The following ROBO1 variants were observed in gnomAD, a reference collection of about 807,000 sequenced individuals.
ROBO1 encodes the protein roundabout guidance receptor 1.
ROBO1 carries 149 observed loss-of-function variants against 195.9 expected under a neutral mutation model. The ratio of observed to expected loss-of-function variants is 0.76; its 90% CI spans 0.67 to 0.87. The LOEUF is 0.87. Ranked by LOEUF, ROBO1 falls within the 40% of genes least tolerant of loss-of-function variation. The pLI is 0.00. For missense variants in ROBO1, 1,933 were observed against 2,068.3 expected (o/e 0.93, Z 1.27); for synonymous variants, 816 against 733.2 (o/e 1.11, Z -1.82).
intron 3 of ROBO1, among the ~76,000 whole-genome samples, chr3:79,099,933 A>T (rs2079645126): frequency 6.6e-6 from 1 of 151,812 alleles, no homozygotes; most frequent in Admixed American, 6.6e-5. Context: ...TTGGAAGGAG[A>T]CCAGTAAATT....
intron 2 of ROBO1, among the ~76,000 whole-genome samples, chr3:79,268,192 A>C (rs1021737700): frequency 6.6e-6 from 1 of 151,616 alleles, no homozygotes; most frequent in Admixed American, 6.6e-5. Flanking sequence ...ATTGGAAGTA[A>C]GCCTTAAAAA....
At chr3:79,510,566 T>TG (rs1940650324) in intron 2 of ROBO1, among the ~76,000 whole-genome samples, 1 of 146,246 alleles carries the variant, frequency 6.8e-6, no homozygotes, top group East Asian at 2.0e-4. Context: ...TTTTTTTTTT[T>TG]GAAAGGGTCA....
chr3:79,308,695 A>G (rs1238576248), intron 2 of ROBO1, among the ~76,000 whole-genome samples: 4 of 152,210 alleles, frequency 2.6e-5, no homozygotes, highest in East Asian at 1.9e-4. Context: ...TGCAGTGGAA[A>G]AGTAAGCATG....
At chr3:79,462,775 A>G (rs1341064662) in intron 2 of ROBO1, among the ~76,000 whole-genome samples, 2 of 152,188 alleles carry the variant, frequency 1.3e-5, no homozygotes, top group African/African-American at 2.4e-5. Flanking sequence ...GTCTGATTTT[A>G]TCATGTAGTT....
At chr3:79,609,773 C>T (rs1298489363) in intron 1 of ROBO1, among the ~76,000 whole-genome samples, 2 of 151,492 alleles carry the variant, frequency 1.3e-5, no homozygotes, top group Non-Finnish European at 2.9e-5. Flanking sequence ...ACTCTGATTC[C>T]ACATATGAGG....
At chr3:79,657,377 A>G (rs1357570937) in intron 1 of ROBO1, among the ~76,000 whole-genome samples, 1 of 152,140 alleles carries the variant, frequency 6.6e-6, no homozygotes, top group African/African-American at 2.4e-5. Flanking sequence ...CATGTTTATC[A>G]GAAGGCCTAT....
At chr3:79,191,535 T>A (rs950889004) in intron 2 of ROBO1, among the ~76,000 whole-genome samples, 2 of 151,316 alleles carry the variant, frequency 1.3e-5, no homozygotes, top group African/African-American at 4.8e-5. Context: ...CATTAAGGAT[T>A]CAAACAATAA....
At chr3:78,931,236 C>CTTTTTTTTTTTTTTTTTT (rs71127369) in intron 4 of ROBO1, among the ~76,000 whole-genome samples, 49 of 79,202 alleles carry the variant, frequency 6.2e-4, no homozygotes, top group South Asian at 2.4e-3. Context: ...TTCTTTCTTT[C>CTTTTTTTTTTTTTTTTTT]TTTTTTTTTT....
intron 4 of ROBO1, among the ~76,000 whole-genome samples, chr3:78,895,324 A>G (rs1392040142): frequency 6.6e-6 from 1 of 152,206 alleles, no homozygotes; most frequent in African/African-American, 2.4e-5. Context: ...AAAAGAGAGA[A>G]AGAAAGAGAA....
chr3:79,246,308 G>A (rs898231052), intron 2 of ROBO1, among the ~76,000 whole-genome samples: 1 of 152,126 alleles, frequency 6.6e-6, no homozygotes, highest in African/African-American at 2.4e-5. Flanking sequence ...GTCTACAAAT[G>A]AGAAAATGAA....
At chr3:78,624,298 A>G (rs903093207) in intron 26 of ROBO1, among the ~76,000 whole-genome samples, 4 of 152,156 alleles carry the variant, frequency 2.6e-5, no homozygotes, top group Admixed American at 1.3e-4. Flanking sequence ...ATTTTCAAAA[A>G]TTTCTATAGT....
intron 4 of ROBO1, among the ~76,000 whole-genome samples, chr3:78,894,831 C>T (rs759665205): frequency 6.6e-6 from 1 of 152,164 alleles, no homozygotes; most frequent in South Asian, 2.1e-4. Flanking sequence ...CCTCAGGCAG[C>T]CTAAGATTCT....
intron 2 of ROBO1, among the ~76,000 whole-genome samples, chr3:79,241,100 T>C (rs2082508163): frequency 6.6e-6 from 1 of 152,232 alleles, no homozygotes; most frequent in African/African-American, 2.4e-5. Context: ...TCTAGCTTAA[T>C]CTTCCAACAG....
At chr3:78,656,058 T>C (rs1706988273) in intron 18 of ROBO1, among the ~76,000 whole-genome samples, 1 of 152,196 alleles carries the variant, frequency 6.6e-6, no homozygotes, top group Non-Finnish European at 1.5e-5. Flanking sequence ...ACTTACTAAT[T>C]TGTACTTTAT....
chr3:78,751,907 G>C (rs2082805780), intron 4 of ROBO1, among the ~76,000 whole-genome samples: 1 of 152,022 alleles, frequency 6.6e-6, no homozygotes, highest in Non-Finnish European at 1.5e-5. Flanking sequence ...GGGAAAAATA[G>C]GGGAAGATAT....
At chr3:79,574,339 G>A (rs1039967313) in intron 2 of ROBO1, among the ~76,000 whole-genome samples, 2 of 151,556 alleles carry the variant, frequency 1.3e-5, no homozygotes, top group Non-Finnish European at 2.9e-5. Flanking sequence ...TGTGTTTTTC[G>A]TGCACCTAAC....
At chr3:78,792,708 GCTAT>G (rs1402676444) in intron 4 of ROBO1, among the ~76,000 whole-genome samples, 1 of 152,066 alleles carries the variant, frequency 6.6e-6, no homozygotes, top group Non-Finnish European at 1.5e-5. Flanking sequence ...TATAATGACT[GCTAT>G]CTATTGAGCA....
chr3:79,369,729 G>A (rs2036120035), intron 2 of ROBO1, among the ~76,000 whole-genome samples: 1 of 149,704 alleles, frequency 6.7e-6, no homozygotes, highest in South Asian at 2.1e-4. Context: ...GCAGATTTCT[G>A]GTCTAATTCT....
chr3:79,752,232 T>C (rs539491141), intron 1 of ROBO1, among the ~76,000 whole-genome samples: 1 of 152,184 alleles, frequency 6.6e-6, no homozygotes, highest in East Asian at 1.9e-4. Context: ...AGAGGAAGAG[T>C]ACTTGGTAAT....
Sources: allele counts gnomAD v4.1 joint callset (sites outside exome capture counted in the v4.1 genomes callset), GRCh38; gene constraint gnomAD v4.1.1; transcripts MANE v1.5; gene names NCBI Gene and HGNC (gene_info 2026-07-23, HGNC 2026-07-21).